Variants in GLCE observed in about 807,000 individuals in gnomAD.
GLCE encodes the protein glucuronic acid epimerase.
Under a neutral mutation model 47.9 loss-of-function variants are expected in GLCE, and 19 were observed. That is an observed-to-expected ratio of 0.40 (90% CI 0.28 to 0.58). The LOEUF (loss-of-function observed/expected upper bound fraction) is 0.58. Among genes scored for constraint, GLCE ranks in the 20% least tolerant of loss-of-function variants. The probability of loss-of-function intolerance (pLI) is 0.48; values close to 1 mark genes in which losing one functional copy is unlikely to be tolerated. For synonymous variants in GLCE, 245 were observed against 263.4 expected, an observed-to-expected ratio of 0.93 and a Z score of 0.68; for missense variants, 556 against 743.3, an observed-to-expected ratio of 0.75 and a Z score of 2.93.
chr15:69,260,388 T>C (rs924091091), intron 3 of GLCE, among the ~76,000 whole-genome samples: 2 of 149,186 alleles, frequency 1.3e-5, no homozygotes, highest in East Asian at 4.2e-4. Context: ...GCCTCCCAAA[T>C]AGCTGGGATT....
intron 4 of GLCE, chr15:69,266,820 A>G: frequency 2.5e-6 from 1 of 407,608 alleles, no homozygotes; most frequent in Non-Finnish European, 3.3e-6. Flanking sequence ...CCTGCTCTAC[A>G]ACTAATTAGC....
intron 3 of GLCE, among the ~76,000 whole-genome samples, chr15:69,260,217 CT>C (rs1374297960): frequency 6.9e-6 from 1 of 145,106 alleles, no homozygotes; most frequent in African/African-American, 2.6e-5. Flanking sequence ...GAATTTCAAG[CT>C]GTGTTTATAT....
At chr15:69,199,210 T>A (rs532205239) in intron 1 of GLCE, among the ~76,000 whole-genome samples, 1 of 152,270 alleles carries the variant, frequency 6.6e-6, no homozygotes, top group African/African-American at 2.4e-5. Flanking sequence ...TCATTTTGTA[T>A]CTTCAGGAGC....
intron 2 of GLCE, among the ~76,000 whole-genome samples, chr15:69,247,836 A>G (rs2052774435): frequency 6.6e-6 from 1 of 152,200 alleles, no homozygotes. Flanking sequence ...AACACAAAAC[A>G]TTTATCAATA....
chr15:69,203,336 A>C (rs2052102158), intron 1 of GLCE, among the ~76,000 whole-genome samples: 1 of 152,134 alleles, frequency 6.6e-6, no homozygotes, highest in Non-Finnish European at 1.5e-5. Flanking sequence ...AACACACGCA[A>C]TGCTACAGAG....
intron 2 of GLCE, among the ~76,000 whole-genome samples, chr15:69,244,840 T>G (rs1021085470): frequency 9.9e-5 from 15 of 152,218 alleles, no homozygotes; most frequent in Admixed American, 3.3e-4. Context: ...GCCTTAGTCT[T>G]TTCATCTATG....
intron 1 of GLCE, among the ~76,000 whole-genome samples, chr15:69,187,485 G>A (rs1230151700): frequency 6.6e-6 from 1 of 152,088 alleles, no homozygotes; most frequent in Admixed American, 6.5e-5. Context: ...TAGAGATTAA[G>A]TAAACAAAAT....
intron 1 of GLCE, chr15:69,196,409 A>AT (rs71147594): frequency 0.99 from 154,776 of 155,636 alleles, 76,969 homozygotes; most frequent in East Asian, 1. Context: ...TTTTATATTT[A>AT]TTTAGACTAT....
At chr15:69,194,490 T>C (rs1435594929) in intron 1 of GLCE, 2 of 152,182 alleles carry the variant, frequency 1.3e-5, no homozygotes, top group African/African-American at 4.8e-5. Flanking sequence ...GAACCATTTG[T>C]TTATCTGAAC....
chr15:69,245,836 C>T (rs1322103133), intron 2 of GLCE, among the ~76,000 whole-genome samples: 1 of 152,122 alleles, frequency 6.6e-6, no homozygotes, highest in Non-Finnish European at 1.5e-5. Flanking sequence ...TCAAGCAATT[C>T]TCCTGCCTCA....
At chr15:69,198,566 G>A (rs12911856) in intron 1 of GLCE, among the ~76,000 whole-genome samples, 77,716 of 151,916 alleles carry the variant, frequency 0.51, 23,430 homozygotes, top group Non-Finnish European at 0.65. Flanking sequence ...GTGCCAAAGG[G>A]CCCCATAGAG....
chr15:69,228,582 C>T (rs1203950790), intron 2 of GLCE, among the ~76,000 whole-genome samples: 2 of 151,714 alleles, frequency 1.3e-5, no homozygotes, highest in Non-Finnish European at 3.0e-5. Context: ...TTGGAAGAAA[C>T]AAACAATAGG....
intron 3 of GLCE, among the ~76,000 whole-genome samples, chr15:69,260,455 T>C (rs59063161): frequency 0.032 from 4,832 of 152,122 alleles, 254 homozygotes; most frequent in African/African-American, 0.11. Context: ...AGACGGGGTT[T>C]CACCGTGTTG....
At chr15:69,256,691 A>G (rs1481369904) in intron 3 of GLCE, among the ~76,000 whole-genome samples, 7 of 152,234 alleles carry the variant, frequency 4.6e-5, no homozygotes, top group Non-Finnish European at 7.3e-5. Context: ...GCGTTAAAAT[A>G]TATAGCTAGA....
chr15:69,176,219 T>TG (rs1483328783), intron 1 of GLCE, among the ~76,000 whole-genome samples: 1 of 131,596 alleles, frequency 7.6e-6, no homozygotes, highest in African/African-American at 2.8e-5. Flanking sequence ...GAACCTTGTT[T>TG]TTTTTTTTTT....
At chr15:69,182,269 TTGTGTGTG>T (rs34135980) in intron 1 of GLCE, among the ~76,000 whole-genome samples, 4 of 144,922 alleles carry the variant, frequency 2.8e-5, no homozygotes, top group African/African-American at 7.6e-5. Flanking sequence ...CATCGTGTAT[TTGTGTGTG>T]TGTGTGTGTG....
chr15:69,234,690 T>G (rs1325730181), intron 2 of GLCE, among the ~76,000 whole-genome samples: 3 of 152,196 alleles, frequency 2.0e-5, no homozygotes, highest in Admixed American at 6.5e-5. Flanking sequence ...CACCCTTTGA[T>G]CAGCATGAAG....
intron 1 of GLCE, chr15:69,197,171 G>A (rs557223167): frequency 1.2e-5 from 5 of 408,976 alleles, no homozygotes; most frequent in East Asian, 1.5e-4. Context: ...ACAATGCGTC[G>A]CACAACCAAC....
intron 1 of GLCE, among the ~76,000 whole-genome samples, chr15:69,197,786 G>T (rs1019551221): frequency 6.6e-6 from 1 of 152,002 alleles, no homozygotes; most frequent in Non-Finnish European, 1.5e-5. Flanking sequence ...GAGTTTTATT[G>T]TAAAGGGGGA....
Sources: allele counts gnomAD v4.1 joint callset (sites outside exome capture counted in the v4.1 genomes callset), GRCh38; gene constraint gnomAD v4.1.1; transcripts MANE v1.5; gene names NCBI Gene and HGNC (gene_info 2026-07-23, HGNC 2026-07-21).